KIF15: variants seen among roughly 807,000 people sequenced by gnomAD.
KIF15 encodes kinesin-like protein KIF15.
KIF15 carries 140 observed loss-of-function variants against 190.6 expected under a neutral mutation model. The observed-to-expected ratio is 0.73, with a 90% CI of 0.64 to 0.84. The LOEUF (loss-of-function observed/expected upper bound fraction) is 0.84, where lower values mean the gene tolerates loss of function less well. KIF15 is among the 40% of genes least tolerant of loss of function. The pLI, the probability that KIF15 is intolerant of heterozygous loss-of-function variation, is 0.00. For synonymous variants in KIF15, 528 were observed against 551.3 expected (o/e 0.96, Z 0.59); for missense variants, 1,372 against 1,584.4 (o/e 0.87, Z 2.28).
downstream of KIF15, among the ~76,000 whole-genome samples, chr3:44,857,656 C>T (rs1031069902): frequency 3.3e-5 from 5 of 152,140 alleles, no homozygotes; most frequent in Non-Finnish European, 7.3e-5. Flanking sequence ...GTTTATTTAA[C>T]GGTTTTGTTA....
rs755444788 is a variant in KIF15 at position 44,851,781 on chromosome 3, C to T, written c.3807-6C>T. The T allele has an allele frequency of 1.9e-5, 31 of 1,604,072 alleles. No homozygotes were observed. The South Asian group carries it at 3.1e-4, about 16-fold the overall frequency. On this transcript the variant is annotated splice_region_variant and splice_polypyrimidine_tract_variant and intron_variant, in intron 32 of 34. Coordinates refer to ENST00000326047, the MANE Select transcript of KIF15 (RefSeq NM_020242.3). ...AATACTATAAAGTGATAACCTATTC[C>T]TACAGCCTAGAAGAAGTCCAAAGTG...
At chr3:44,810,179 AT>A (rs1371301049) in intron 16 of KIF15, among the ~76,000 whole-genome samples, 5 of 152,184 alleles carry the variant, frequency 3.3e-5, no homozygotes, top group Non-Finnish European at 7.3e-5. Context: ...GTAATGTACT[AT>A]TTTAATGACC....
chr3:44,852,287 A>G lies in KIF15; in HGVS notation c.4052A>G (p.Gln1351Arg), dbSNP rs1270647105. 6.2e-7 allele frequency: 1 copy of G among 1,613,610 alleles called. No homozygotes were observed. The highest frequency in any genetic ancestry group is 1.3e-5 in the African/African-American group (1 of 74,918). The part of the protein sequence containing the change: ...GKLVGHQNLH[Q>R]KIQYVVRLKK... ...TTGGTAGGTCACCAAAATTTGCATC[A>G]GAAGATTCAGTACGTAGTGCGACTA... The change falls in exon 34 of 35, where the codon CAG becomes CGG. Residue 1351 changes from glutamine (Q) to arginine (R), a missense_variant. Physicochemically the swap from Gln to Arg is conservative, Grantham distance 43 (BLOSUM62 1). Coordinates refer to ENST00000326047, the MANE Select transcript of KIF15 (RefSeq NM_020242.3).
chr3:44,787,690 A>G (rs1453731823), intron 7 of KIF15, among the ~76,000 whole-genome samples: 1 of 152,196 alleles, frequency 6.6e-6, no homozygotes, highest in African/African-American at 2.4e-5. Context: ...CAGTCCATAC[A>G]TTAGCATAGT....
intron 20 of KIF15, among the ~76,000 whole-genome samples, chr3:44,819,035 G>A (rs1708148641): frequency 6.6e-6 from 1 of 152,150 alleles, no homozygotes; most frequent in Non-Finnish European, 1.5e-5. Context: ...TTGCGTAGAG[G>A]TGTTTATAGT....
At chr3:44,803,111 A>T in intron 14 of KIF15, 120 bp downstream of exon 14, 1 of 697,486 alleles carries the variant, frequency 1.4e-6, no homozygotes, top group Non-Finnish European at 2.2e-6. Context: ...CTAATGTCTT[A>T]TACACATATT....
intron 16 of KIF15, 33 bp downstream of exon 16, chr3:44,806,019 T>G (rs1196086595): frequency 1.2e-6 from 2 of 1,604,108 alleles, no homozygotes; most frequent in South Asian, 2.2e-5. Context: ...CCACCTTAAA[T>G]CAGTGCAATG....
chr3:44,851,275 G>A (rs1699049912), intron 32 of KIF15, among the ~76,000 whole-genome samples: 1 of 152,260 alleles, frequency 6.6e-6, no homozygotes, highest in East Asian at 1.9e-4. Flanking sequence ...CTAAAGGGGG[G>A]TGGGGGGTGA....
Position 44,801,489 on chromosome 3 carries a change from C to T in KIF15, c.1262C>T (p.Ala421Val). The change falls in exon 12 of 35, where the codon GCA becomes GTA. Residue 421 changes from alanine to valine, a missense_variant. Transcript: ENST00000326047. ...KTNYMEYFQEAMLFFKKSEQE... is the reference protein window; with the variant it reads ...KTNYMEYFQEVMLFFKKSEQE... ...AACTATATGGAGTATTTCCAGGAAG[C>T]AATGTTATTCTTTAAGAAATCTGAA... is the stretch of plus-strand genomic sequence containing the variant. The T allele has an allele frequency of 6.4e-7, 1 of 1,573,280 alleles. No homozygotes were observed. The highest frequency in any genetic ancestry group is 8.7e-7 in the Non-Finnish European group (1 of 1,143,904).
At chr3:44,764,017 T>C (rs941401335) in intron 1 of KIF15, among the ~76,000 whole-genome samples, 2 of 152,190 alleles carry the variant, frequency 1.3e-5, no homozygotes, top group African/African-American at 2.4e-5. Context: ...CCAATCATGT[T>C]TGGGCAAATG....
intron 4 of KIF15, 134 bp from the exon 5 acceptor site, chr3:44,780,751 T>C (rs2125911164): frequency 1.8e-6 from 1 of 555,966 alleles, no homozygotes; most frequent in East Asian, 3.2e-5. Flanking sequence ...ATTCACTTTT[T>C]ATCTAATAGA....
intron 20 of KIF15, among the ~76,000 whole-genome samples, chr3:44,824,100 C>T (rs947373567): frequency 3.9e-5 from 6 of 152,194 alleles, no homozygotes; most frequent in African/African-American, 9.7e-5. Context: ...GCATCGATCC[C>T]GCTGGGAGCT....
Position 44,838,265 on chromosome 3 carries a change from C to A in KIF15, c.3172-10C>A, listed in dbSNP as rs781475712. On this transcript the variant is annotated splice_polypyrimidine_tract_variant and intron_variant, in intron 26 of 34. Coordinates refer to ENST00000326047, the MANE Select transcript of KIF15 (RefSeq NM_020242.3). ...ATAATTAAGAAACTGTGATGATTGTCTCCTAACAGAGGGATATGCTCTGTG... is the reference window on the plus strand; with the variant it reads ...ATAATTAAGAAACTGTGATGATTGTATCCTAACAGAGGGATATGCTCTGTG... 3 of 1,589,158 alleles carry A rather than the reference C, an allele frequency of 1.9e-6. No individual in the cohort carries two copies. The highest frequency in any genetic ancestry group is 2.3e-5 in the South Asian group (2 of 86,896).
In KIF15 at chr3:44,802,772, T is replaced by G. The variant is rs377629564; in HGVS notation, c.1510-42T>G. On this transcript the variant is annotated intron_variant, in intron 13 of 34. Transcript: ENST00000326047. ...TAGAGGAACTAATTCACTAAGGAAA[T>G]GTTTGTAAATATATAATGCGTGTAA... 2.0e-6 allele frequency: 3 copies of G among 1,467,226 alleles called. No individual in the cohort carries two copies. The African/African-American group carries it at 4.3e-5, about 21-fold the overall frequency. The allele number at this position is 1,467,226 out of a possible 1,614,324, so 90.9% of individuals were successfully genotyped here. A position where few individuals can be genotyped will look rare whatever the true frequency, so the allele number is the denominator to read the frequency against.
intron 20 of KIF15, among the ~76,000 whole-genome samples, chr3:44,818,036 C>G (rs537990362): frequency 2.0e-5 from 3 of 152,246 alleles, no homozygotes; most frequent in African/African-American, 7.2e-5. Context: ...TAATTTGGCT[C>G]TCCGTTTGTC....
intron 20 of KIF15, among the ~76,000 whole-genome samples, chr3:44,820,019 T>G (rs1254947172): frequency 6.6e-6 from 1 of 152,236 alleles, no homozygotes; most frequent in Non-Finnish European, 1.5e-5. Flanking sequence ...TTGTCTCTTT[T>G]GATCTTTGTT....
At chr3:44,763,289 G>A (rs1705227808) in intron 1 of KIF15, among the ~76,000 whole-genome samples, 1 of 152,066 alleles carries the variant, frequency 6.6e-6, no homozygotes, top group Admixed American at 6.6e-5. Context: ...TTTGTGCCCC[G>A]AAGGCTATCT....
At chr3:44,839,847 A>G (rs1698503156) in intron 27 of KIF15, among the ~76,000 whole-genome samples, 1 of 152,168 alleles carries the variant, frequency 6.6e-6, no homozygotes. Flanking sequence ...GTCACAAATG[A>G]CAGAATTTGC....
intron 3 of KIF15, among the ~76,000 whole-genome samples, chr3:44,775,905 C>G (rs993895411): frequency 4.6e-5 from 7 of 151,394 alleles, no homozygotes; most frequent in African/African-American, 7.3e-5. Context: ...ACAGTGAAAC[C>G]CCGTCTATAC....
Sources: allele counts gnomAD v4.1 joint callset (sites outside exome capture counted in the v4.1 genomes callset), GRCh38; gene constraint gnomAD v4.1.1; transcripts MANE v1.5; gene names NCBI Gene and HGNC (gene_info 2026-07-23, HGNC 2026-07-21).